LUC7L: variants seen among roughly 807,000 people sequenced by gnomAD.
LUC7L encodes putative RNA-binding protein Luc7-like 1.
LUC7L carries 29 observed loss-of-function variants against 51.1 expected under a neutral mutation model. The observed-to-expected ratio is 0.57, with a 90% CI of 0.42 to 0.77. The LOEUF is 0.77. Ranked by LOEUF, LUC7L falls within the 30% of genes least tolerant of loss-of-function variation. The pLI, the probability that LUC7L is intolerant of heterozygous loss-of-function variation, is 0.00. For synonymous variants in LUC7L, 181 were observed against 180.7 expected (o/e 1.00, Z -0.01); for missense variants, 403 against 511.9 (o/e 0.79, Z 2.05).
intron 2 of LUC7L, among the ~76,000 whole-genome samples, chr16:224,541 C>G (rs1475754786): frequency 6.7e-6 from 1 of 150,212 alleles, no homozygotes; most frequent in Non-Finnish European, 1.5e-5. Context: ...AAAAGAAAAC[C>G]TCATGAGGCC....
At chr16:204,981 C>T (rs1296923685) in intron 5 of LUC7L, among the ~76,000 whole-genome samples, 3 of 152,120 alleles carry the variant, frequency 2.0e-5, no homozygotes, top group Admixed American at 1.3e-4. Context: ...ATGAGTGTCA[C>T]GTGGTGTTTC....
chr16:193,189 A>G (rs1567172399), intron 6 of LUC7L, among the ~76,000 whole-genome samples, 174 bp from the exon 7 acceptor site: 5 of 151,832 alleles, frequency 3.3e-5, no homozygotes. Flanking sequence ...TCTCACTGTC[A>G]CCAGGCTGGA....
intron 2 of LUC7L, 108 bp from the exon 3 acceptor site, chr16:220,855 AACACTG>A (rs553813635): frequency 2.7e-5 from 19 of 707,518 alleles, no homozygotes; most frequent in Admixed American, 2.0e-4. Context: ...TCACTTTTGG[AACACTG>A]ACACTGCAAT....
intron 5 of LUC7L, among the ~76,000 whole-genome samples, chr16:200,787 C>T (rs562346407): frequency 2.6e-5 from 4 of 151,456 alleles, no homozygotes; most frequent in South Asian, 2.1e-4. Flanking sequence ...GAGACTGATT[C>T]GAGAGGACTG....
Position 193,116 on chromosome 16 carries a change from T to A in LUC7L, c.688-101A>T, listed in dbSNP as rs530057730. 44 of 938,754 alleles carry A rather than the reference T, an allele frequency of 4.7e-5. No individual in the cohort carries two copies. In the African/African-American group the frequency reaches 7.0e-4, roughly 15 times the overall value. 58.2% of individuals were successfully genotyped at this position (938,754 alleles called of 1,614,324 possible). A position where few individuals can be genotyped will look rare whatever the true frequency, so the allele number is the denominator to read the frequency against. On this transcript the variant is annotated intron_variant, in intron 6 of 9. Coordinates refer to ENST00000293872, the MANE Select transcript of LUC7L (RefSeq NM_201412.3). Reference sequence around the variant, plus strand: ...TTTATATGAGCTCAGTATTGGTAATTTAAAAATTGAAGGGACACTTTTAGG... The same window carrying A: ...TTTATATGAGCTCAGTATTGGTAATATAAAAATTGAAGGGACACTTTTAGG...
chr16:199,499 C>T (rs2049257696), intron 5 of LUC7L, among the ~76,000 whole-genome samples: 1 of 152,096 alleles, frequency 6.6e-6, no homozygotes, highest in African/African-American at 2.4e-5. Flanking sequence ...AGGCCAGGCG[C>T]GGTGGCTCAC....
chr16:201,387 G>T (rs1204631769), intron 5 of LUC7L, among the ~76,000 whole-genome samples: 1 of 151,354 alleles, frequency 6.6e-6, no homozygotes, highest in Non-Finnish European at 1.5e-5. Context: ...TGATTATGTT[G>T]AGTAAAAAAA....
chr16:200,570 C>T (rs1325132694), intron 5 of LUC7L, among the ~76,000 whole-genome samples: 1 of 149,556 alleles, frequency 6.7e-6, no homozygotes, highest in Non-Finnish European at 1.5e-5. Context: ...AGGAAAACTC[C>T]AAAAAGGAAA....
intron 3 of LUC7L, among the ~76,000 whole-genome samples, chr16:217,602 G>A (rs531357948): frequency 2.0e-5 from 3 of 151,814 alleles, no homozygotes; most frequent in Admixed American, 2.0e-4. Context: ...AGCTACTCAG[G>A]AGGCTGAGGC....
At chr16:228,609 CACAGCAGGT>C in intron 1 of LUC7L, 1 of 1,189,860 alleles carries the variant, frequency 8.4e-7, no homozygotes. Context: ...AAACACAAAC[CACAGCAGGT>C]ATATAGTTTT....
At chr16:200,615 C>G (rs2049296652) in intron 5 of LUC7L, among the ~76,000 whole-genome samples, 1 of 151,948 alleles carries the variant, frequency 6.6e-6, no homozygotes, top group Middle Eastern at 3.2e-3. Context: ...GGTGTAGTGA[C>G]TCACACCTAT....
At chr16:223,704 C>T (rs970071353) in intron 2 of LUC7L, among the ~76,000 whole-genome samples, 5 of 151,702 alleles carry the variant, frequency 3.3e-5, no homozygotes, top group African/African-American at 1.2e-4. Context: ...GAGTCTCACT[C>T]TGTCGCCCAG....
Position 201,462 on chromosome 16 carries a change from C to T in LUC7L, c.511-2224G>A, listed in dbSNP as rs144730537. 2.4e-3 allele frequency among the ~76,000 whole-genome samples: 361 copies of T among 148,826 alleles called. 1 individual carries two copies. The highest frequency in any genetic ancestry group is 7.8e-3 in the African/African-American group (318 of 40,602). ...CATAACTTTTTTTTTTTTTTTGAGA[C>T]GGAGTCTCGCTCTGTCGCCCAGCCT... On this transcript the variant is annotated intron_variant, in intron 5 of 9. Transcript: ENST00000293872.
At chr16:227,915 G>A (rs939261892) in intron 1 of LUC7L, 1 of 1,003,550 alleles carries the variant, frequency 1.0e-6, no homozygotes, top group Non-Finnish European at 1.2e-6. Context: ...CTTTTAACAA[G>A]ACAATACCAA....
chr16:198,184 C>G (rs1359138771), intron 6 of LUC7L, among the ~76,000 whole-genome samples: 1 of 136,064 alleles, frequency 7.3e-6, no homozygotes. Flanking sequence ...GAGGCTGAGG[C>G]AGGAAAATGG....
chr16:217,632 A>T (rs1398752988), intron 3 of LUC7L, among the ~76,000 whole-genome samples: 5 of 150,038 alleles, frequency 3.3e-5, no homozygotes, highest in Non-Finnish European at 5.9e-5. Context: ...GCTTGAAACC[A>T]GGAGGCAGAG....
At chr16:224,411 C>T (rs917605290) in intron 2 of LUC7L, among the ~76,000 whole-genome samples, 1 of 151,286 alleles carries the variant, frequency 6.6e-6, no homozygotes, top group Non-Finnish European at 1.5e-5. Flanking sequence ...CCCAGCTACT[C>T]GGGAGGCTGA....
At position 192,902 on chromosome 16, in the gene LUC7L, A is replaced by T. The variant is rs1345437204; in HGVS notation, c.776+25T>A. 5.0e-6 allele frequency: 8 copies of T among 1,597,824 alleles called. No individual in the cohort carries two copies. The African/African-American group carries it at 8.0e-5, about 16-fold the overall frequency. On this transcript the variant is annotated intron_variant, in intron 7 of 9. Coordinates refer to ENST00000293872, the MANE Select transcript of LUC7L (RefSeq NM_201412.3). ...GGAATGCCCGAGGCCAATGCAGGCCATCCAGTGCCAGCCCTCAGGCTCACC... is the reference window on the plus strand; with the variant it reads ...GGAATGCCCGAGGCCAATGCAGGCCTTCCAGTGCCAGCCCTCAGGCTCACC...
rs2048952748 is a variant in LUC7L, at chr16:189,526, C to T, written c.975-187G>A. Reference sequence around the variant, plus strand: ...GTGTTAGATAGCCATTAAAAAGTGACCTTTGCGAAGATTTTTAATAAGGAG... The same window carrying T: ...GTGTTAGATAGCCATTAAAAAGTGATCTTTGCGAAGATTTTTAATAAGGAG... On this transcript the variant is annotated intron_variant, in intron 9 of 9. Coordinates refer to ENST00000293872, the MANE Select transcript of LUC7L (RefSeq NM_201412.3). The T allele has an allele frequency of 2.2e-6, 3 of 1,390,514 alleles. No individual in the cohort carries two copies. In the South Asian group the frequency reaches 5.5e-5, roughly 25 times the overall value. 86.1% of individuals were successfully genotyped at this position (1,390,514 alleles called of 1,614,324 possible).
Sources: allele counts gnomAD v4.1 joint callset (sites outside exome capture counted in the v4.1 genomes callset), GRCh38; gene constraint gnomAD v4.1.1; transcripts MANE v1.5; gene names NCBI Gene and HGNC (gene_info 2026-07-23, HGNC 2026-07-21).